ANXA4: variants seen among roughly 807,000 people sequenced by gnomAD.
ANXA4 encodes annexin A4.
Under a neutral mutation model 49.8 loss-of-function variants are expected in ANXA4, and 39 were observed. That is an observed-to-expected ratio of 0.78 (90% CI 0.61 to 1.02). The LOEUF is 1.02. Among genes scored for constraint, ANXA4 ranks in the 50% least tolerant of loss-of-function variants. The pLI, the probability that ANXA4 is intolerant of heterozygous loss-of-function variation, is 0.00. For synonymous variants in ANXA4, 134 were observed against 152.5 expected (o/e 0.88, Z 0.89); for missense variants, 360 against 410.1 (o/e 0.88, Z 1.05).
intron 2 of ANXA4, among the ~76,000 whole-genome samples, chr2:69,668,851 A>G (rs1677042321): frequency 6.6e-6 from 1 of 152,210 alleles, no homozygotes; most frequent in Admixed American, 6.5e-5. Context: ...ACGCTGACAC[A>G]CAAATGTTAT....
intron 2 of ANXA4, among the ~76,000 whole-genome samples, chr2:69,667,879 AG>A (rs1676998335): frequency 1.3e-5 from 2 of 152,222 alleles, no homozygotes; most frequent in East Asian, 3.8e-4. Flanking sequence ...TTGTGGGACT[AG>A]GATGGTCTCT....
chr2:69,645,694 C>T (rs1419666477), intron 1 of ANXA4, among the ~76,000 whole-genome samples: 2 of 152,138 alleles, frequency 1.3e-5, no homozygotes, highest in African/African-American at 4.8e-5. Context: ...TTAACACCCA[C>T]GTGAATGCTC....
chr2:69,814,146 A>G (rs1218983566), intron 8 of ANXA4, among the ~76,000 whole-genome samples: 2 of 142,512 alleles, frequency 1.4e-5, no homozygotes, highest in Non-Finnish European at 3.0e-5. Flanking sequence ...TGTTTTATGC[A>G]AAAAAAAAGA....
Position 69,756,292 on chromosome 2 carries a change from TA to T in ANXA4, c.-47+14126del, listed in dbSNP as rs568206839. ...TGCCTTGGGGCGTTTTTGCTGTGCC[TA>T]AAAAAAAAGGGTGGTGGCTGAGTTT... On this transcript the variant is annotated intron_variant, in intron 1 of 12. Transcript: ENST00000394295. 7.3e-5 allele frequency among the ~76,000 whole-genome samples: 11 copies of T among 150,746 alleles called. No individual in the cohort carries two copies. The South Asian group carries it at 1.5e-3, about 20-fold the overall frequency.
intron 1 of ANXA4, among the ~76,000 whole-genome samples, chr2:69,744,756 TCCAGCTG>T (rs1218717265): frequency 6.6e-6 from 1 of 152,168 alleles, no homozygotes; most frequent in African/African-American, 2.4e-5. Flanking sequence ...AAAGCTTAAA[TCCAGCTG>T]CCAGGATACA....
intron 1 of ANXA4, among the ~76,000 whole-genome samples, chr2:69,765,003 T>A (rs1488184291): frequency 6.6e-6 from 1 of 152,224 alleles, no homozygotes. Context: ...TGTTATAGCA[T>A]GTGGCAGAAT....
chr2:69,652,090 G>A (rs1316521315), intron 1 of ANXA4, among the ~76,000 whole-genome samples: 1 of 152,080 alleles, frequency 6.6e-6, no homozygotes, highest in South Asian at 2.1e-4. Context: ...TCAGCTCCCT[G>A]CAACCTCTGC....
chr2:69,691,519 G>A (rs959992690), intron 2 of ANXA4, among the ~76,000 whole-genome samples: 1 of 151,912 alleles, frequency 6.6e-6, no homozygotes, highest in Non-Finnish European at 1.5e-5. Context: ...CAAAATGATA[G>A]GCTCAGAGTT....
At chr2:69,822,855 A>G (rs1441885942) in intron 12 of ANXA4, among the ~76,000 whole-genome samples, 1 of 152,120 alleles carries the variant, frequency 6.6e-6, no homozygotes, top group African/African-American at 2.4e-5. Context: ...TGATGGTTAC[A>G]TAACATTGTA....
At chr2:69,680,816 C>A (rs141113922) in intron 2 of ANXA4, among the ~76,000 whole-genome samples, 1 of 152,058 alleles carries the variant, frequency 6.6e-6, no homozygotes, top group African/African-American at 2.4e-5. Context: ...TATTGATTGG[C>A]GTATGTTGAA....
chr2:69,812,744 C>G, intron 8 of ANXA4, 35 bp downstream of exon 8: 1 of 1,606,670 alleles, frequency 6.2e-7, no homozygotes, highest in Non-Finnish European at 8.5e-7. Flanking sequence ...TTCCAGCTTT[C>G]TTCTCTTTCG....
upstream of ANXA4, among the ~76,000 whole-genome samples, chr2:69,740,152 G>A (rs369840947): frequency 1.4e-4 from 21 of 152,258 alleles, no homozygotes; most frequent in Admixed American, 7.2e-4. Context: ...GGGTGCCAAC[G>A]CATCTACTTC....
intron 2 of ANXA4, among the ~76,000 whole-genome samples, chr2:69,662,329 A>AT (rs1173080901): frequency 6.6e-6 from 1 of 152,074 alleles, no homozygotes; most frequent in Non-Finnish European, 1.5e-5. Context: ...AAGCCTTCCT[A>AT]TGCACGCTTG....
In ANXA4 at chr2:69,787,169, A is replaced by G. The variant is rs542269729; in HGVS notation, c.10-885A>G. 2.0e-5 allele frequency among the ~76,000 whole-genome samples: 3 copies of G among 152,364 alleles called. No individual in the cohort carries two copies. In the East Asian group the frequency reaches 5.8e-4, roughly 29 times the overall value. ...GAAATATCACCATAATGCCATTCTTATACCTAAAAATGTTAAAACCAAGTC... is the reference window on the plus strand; with the variant it reads ...GAAATATCACCATAATGCCATTCTTGTACCTAAAAATGTTAAAACCAAGTC... On this transcript the variant is annotated intron_variant, in intron 2 of 12. Transcript: ENST00000394295.
intron 3 of ANXA4, among the ~76,000 whole-genome samples, chr2:69,792,620 C>T (rs67143676): frequency 4.6e-5 from 7 of 151,680 alleles, no homozygotes; most frequent in South Asian, 2.1e-4. Context: ...TTTTTTTTTA[C>T]AATTTGCTTA....
At chr2:69,825,293 ATT>A (rs1221283511) in intron 12 of ANXA4, among the ~76,000 whole-genome samples, 161 bp from the exon 13 acceptor site, 1 of 152,058 alleles carries the variant, frequency 6.6e-6, no homozygotes, top group Non-Finnish European at 1.5e-5. Context: ...TTTTGTCTTT[ATT>A]TTCTACACTG....
At chr2:69,695,978 A>C (rs541085326) in intron 2 of ANXA4, among the ~76,000 whole-genome samples, 1 of 152,180 alleles carries the variant, frequency 6.6e-6, no homozygotes, top group Non-Finnish European at 1.5e-5. Context: ...GGAGGATCTC[A>C]TCTCAACACT....
chr2:69,746,827 G>A (rs1670633126), intron 1 of ANXA4, among the ~76,000 whole-genome samples: 3 of 147,164 alleles, frequency 2.0e-5, no homozygotes, highest in Admixed American at 6.8e-5. Context: ...ACAAACAAAT[G>A]AAAAAAAAAA....
chr2:69,663,293 C>CTTTTTTTTTTTTTTTT (rs55970370), intron 2 of ANXA4, among the ~76,000 whole-genome samples: 1 of 42,822 alleles, frequency 2.3e-5, no homozygotes. Context: ...TGCACCCGGC[C>CTTTTTTTTTTTTTTTT]TTTTTTTTTT....
Sources: allele counts gnomAD v4.1 joint callset (sites outside exome capture counted in the v4.1 genomes callset), GRCh38; gene constraint gnomAD v4.1.1; transcripts MANE v1.5; gene names NCBI Gene and HGNC (gene_info 2026-07-23, HGNC 2026-07-21).